The following SESN3 variants were observed in gnomAD, a reference collection of about 807,000 sequenced individuals.
SESN3 encodes the protein sestrin-3.
A neutral mutation model predicts 55.3 loss-of-function variants in SESN3; 21 were observed. The ratio of observed to expected loss-of-function variants is 0.38; its 90% CI spans 0.27 to 0.55. The LOEUF is 0.55. SESN3 is among the 20% of genes least tolerant of loss of function. The probability of loss-of-function intolerance (pLI) is 0.76; values close to 1 mark genes in which losing one functional copy is unlikely to be tolerated. For synonymous variants in SESN3, 181 were observed against 203.1 expected, an observed-to-expected ratio of 0.89 and a Z score of 0.93; for missense variants, 408 against 604.3, an observed-to-expected ratio of 0.68 and a Z score of 3.41.
chr11:95,205,602 A>C (rs1394037817), intron 1 of SESN3, among the ~76,000 whole-genome samples: 1 of 152,162 alleles, frequency 6.6e-6, no homozygotes, highest in Admixed American at 6.5e-5. Context: ...TCACACAATA[A>C]GGCAGCTGAA....
intron 1 of SESN3, among the ~76,000 whole-genome samples, chr11:95,222,803 G>A (rs1379866681): frequency 1.3e-5 from 2 of 152,152 alleles, no homozygotes; most frequent in African/African-American, 4.8e-5. Context: ...TCAGATTTTT[G>A]AAAGACAAAT....
At position 95,206,365 on chromosome 11, in the gene SESN3, TACACACACACACACACACAC is replaced by T. The variant is rs3032056; in HGVS notation, c.79-12863_79-12844del. The stretch of plus-strand genomic sequence containing the variant: ...TCCTGGATTTATGCCAGTCCTAAAA[TACACACACACACACACACAC>T]ACACACACACACACACACACACTCT... On this transcript the variant is annotated intron_variant, in intron 1 of 9. Coordinates refer to ENST00000536441, the MANE Select transcript of SESN3 (RefSeq NM_144665.4). 9.2e-4 allele frequency among the ~76,000 whole-genome samples: 129 copies of T among 140,468 alleles called. 1 individual carries two copies. The highest frequency in any genetic ancestry group is 3.9e-4 in the Non-Finnish European group (25 of 63,544). 92.2% of individuals were successfully genotyped at this position (140,468 alleles called of 152,430 possible).
At position 95,193,487 on chromosome 11, in the gene SESN3, T is replaced by G; in HGVS notation, c.114A>C (p.Arg38Ser). Residue 38 changes from arginine to serine, a missense_variant, in exon 2 of 10, where the codon AGA becomes AGC. Transcript: ENST00000536441. ...KRIRVSQPLT[R>S]GPSAFIPEKE... Reference sequence around the variant, plus strand: ...TCTCTGGAATAAAGGCACTTGGTCCTCTTGTCAAGGGTTGAGACACTCTGA... The same window carrying G: ...TCTCTGGAATAAAGGCACTTGGTCCGCTTGTCAAGGGTTGAGACACTCTGA... 6.3e-7 allele frequency: 1 copy of G among 1,597,596 alleles called. No individual in the cohort carries two copies. Among genetic ancestry groups the G allele is most frequent in the Non-Finnish European group, 8.6e-7 (1 of 1,166,088 alleles).
Position 95,230,485 on chromosome 11 carries a change from G to T in SESN3, c.78+298C>A, listed in dbSNP as rs992863693. ...CGCCCTCCGCCCAAGGAGCCGACCC[G>T]GGGTAGCAAGGTAGGGAAATGAGCC... On this transcript the variant is annotated intron_variant, in intron 1 of 9. Transcript: ENST00000536441. This position sits in a 1 kb window ranked among gnomAD's most constrained non-coding sequence, Gnocchi z 4.6. 5.8e-6 allele frequency: 2 copies of T among 346,982 alleles called. No individual in the cohort carries two copies. The highest frequency in any genetic ancestry group is 5.0e-5 in the Admixed American group (1 of 19,836). The allele number at this position is 346,982 out of a possible 1,614,324, so 21.5% of individuals were successfully genotyped here. A position where few individuals can be genotyped will look rare whatever the true frequency, so the allele number is the denominator to read the frequency against.
In SESN3 at chr11:95,230,879, G is replaced by C; in HGVS notation, c.-19C>G. 1 of 1,544,818 alleles carries C rather than the reference G, an allele frequency of 6.5e-7. No individual in the cohort carries two copies. Among genetic ancestry groups the C allele is most frequent in the Non-Finnish European group, 8.7e-7 (1 of 1,152,802 alleles). Reference sequence around the variant, plus strand: ...GGTTCATCGTGGCTGCGGGCGCCGAGGCGAGAGCGGGCGGAGGGCCGGGTC... The same window carrying C: ...GGTTCATCGTGGCTGCGGGCGCCGACGCGAGAGCGGGCGGAGGGCCGGGTC... On this transcript the variant is annotated 5_prime_UTR_variant, in exon 1 of 10. Transcript: ENST00000536441. The surrounding 1 kb of genome is among the most constrained non-coding windows in gnomAD (Gnocchi z 4.6).
Position 95,167,475 on chromosome 11 carries a change from C to CCCATATATATATATATATATATAT in SESN3, c.*5779_*5780insATATATATATATATATATATATGG, listed in dbSNP as rs563322416. The CCCATATATATATATATATATATAT allele has an allele frequency of 2.0e-5, 3 of 150,822 alleles. No homozygotes were observed. The highest frequency in any genetic ancestry group is 7.5e-5 in the African/African-American group (3 of 40,222). 9.3% of individuals were successfully genotyped at this position (150,822 alleles called of 1,614,324 possible). A position where few individuals can be genotyped will look rare whatever the true frequency, so the allele number is the denominator to read the frequency against. On this transcript the variant is annotated 3_prime_UTR_variant, in exon 10 of 10. Transcript: ENST00000536441. ...TCAGATATTCATTCTGTTTCCCCCCCATATATATAATTTTTCATTCTGTAC... is the reference window on the plus strand; with the variant it reads ...TCAGATATTCATTCTGTTTCCCCCCCCCATATATATATATATATATATATATATATATAATTTTTCATTCTGTAC...
rs141682790 is a variant in SESN3 at position 95,194,840 on chromosome 11, A to G, written c.79-1318T>C. Among the ~76,000 whole-genome samples the G allele has an allele frequency of 2.9e-3, 442 of 152,222 alleles. 4 individuals carry two copies. The highest frequency in any genetic ancestry group is 9.8e-3 in the African/African-American group (408 of 41,536). On this transcript the variant is annotated intron_variant, in intron 1 of 9. Transcript: ENST00000536441. ...AAAAAAAATTTCGAACACTCTCTGT[A>G]TAACTCAATGAACTACAAGGTTAAA...
intron 1 of SESN3, among the ~76,000 whole-genome samples, chr11:95,218,136 T>C (rs1860793402): frequency 6.6e-6 from 1 of 152,222 alleles, no homozygotes; most frequent in Admixed American, 6.5e-5. Flanking sequence ...GGAAGGTAGG[T>C]AGAGAATTAG....
intron 1 of SESN3, among the ~76,000 whole-genome samples, chr11:95,209,428 G>C (rs61893698): frequency 6.6e-6 from 1 of 151,476 alleles, no homozygotes; most frequent in Non-Finnish European, 1.5e-5. Context: ...GGAGAAAATA[G>C]GAATGCTTTT....
chr11:95,219,848 G>A (rs1022960638), intron 1 of SESN3, among the ~76,000 whole-genome samples: 2 of 151,820 alleles, frequency 1.3e-5, no homozygotes, highest in Non-Finnish European at 2.9e-5. Flanking sequence ...TTGAATTTCA[G>A]GATATATGTT....
chr11:95,181,269 TAGTC>T (rs1283690988), intron 6 of SESN3, among the ~76,000 whole-genome samples: 1 of 152,098 alleles, frequency 6.6e-6, no homozygotes, highest in African/African-American at 2.4e-5. Context: ...AAAAAGTAAG[TAGTC>T]AGCCAAATAA....
chr11:95,196,989 C>A (rs1333621683), intron 1 of SESN3, among the ~76,000 whole-genome samples: 1 of 152,072 alleles, frequency 6.6e-6, no homozygotes, highest in Non-Finnish European at 1.5e-5. Flanking sequence ...CCTATTTGGG[C>A]AAATTAGGAA....
At chr11:95,197,781 A>T (rs1052141852) in intron 1 of SESN3, among the ~76,000 whole-genome samples, 2 of 152,108 alleles carry the variant, frequency 1.3e-5, no homozygotes, top group African/African-American at 4.8e-5. Context: ...AAGACGATGG[A>T]GCAGATGAAG....
chr11:95,217,795 T>A (rs928757251), intron 1 of SESN3, among the ~76,000 whole-genome samples: 4 of 152,206 alleles, frequency 2.6e-5, no homozygotes, highest in African/African-American at 9.7e-5. Flanking sequence ...GAACGCATCA[T>A]ATACTGATGC....
At chr11:95,189,657 C>T (rs1010940186) in intron 4 of SESN3, 122 bp downstream of exon 4, 1 of 589,402 alleles carries the variant, frequency 1.7e-6, no homozygotes, top group Non-Finnish European at 2.7e-6. Flanking sequence ...AACTGACTTT[C>T]TAAACTCATC....
At chr11:95,216,113 A>G (rs916320472) in intron 1 of SESN3, among the ~76,000 whole-genome samples, 6 of 151,160 alleles carry the variant, frequency 4.0e-5, no homozygotes, top group South Asian at 2.1e-4. Context: ...AAAAAAAGAA[A>G]AAAAAAAAAA....
In SESN3 at chr11:95,231,158, G is replaced by GCCACCGCTGCCA. The variant is rs1416069756; in HGVS notation, c.-310_-299dup. 3.7e-6 allele frequency: 1 copy of GCCACCGCTGCCA among 270,316 alleles called. No homozygotes were observed. Among genetic ancestry groups the GCCACCGCTGCCA allele is most frequent in the Admixed American group, 7.2e-5 (1 of 13,950 alleles). The allele number at this position is 270,316 out of a possible 1,614,324, so 16.7% of individuals were successfully genotyped here. On this transcript the variant is annotated 5_prime_UTR_variant, in exon 1 of 10. Coordinates refer to ENST00000536441, the MANE Select transcript of SESN3 (RefSeq NM_144665.4). Reference sequence around the variant, plus strand: ...CCCCGCCAGGCTAGGACGAGCAGCCGCCACCGCTGCCACCGCCACCACCGC... The same window carrying GCCACCGCTGCCA: ...CCCCGCCAGGCTAGGACGAGCAGCCGCCACCGCTGCCACCACCGCTGCCACCGCCACCACCGC...
At chr11:95,219,723 C>T (rs1429248423) in intron 1 of SESN3, among the ~76,000 whole-genome samples, 1 of 151,930 alleles carries the variant, frequency 6.6e-6, no homozygotes, top group Non-Finnish European at 1.5e-5. Context: ...GCACAACCGA[C>T]AAGCACATCC....
chr11:95,184,106 A>T (rs1860115531), intron 6 of SESN3: 1 of 375,670 alleles, frequency 2.7e-6, no homozygotes, highest in Non-Finnish European at 4.7e-6. Flanking sequence ...TATCATTTTT[A>T]AAAAATCACA....
Sources: gnomAD v4.1 joint callset for allele counts (sites outside exome capture counted in the v4.1 genomes callset) on GRCh38, gnomAD v4.1.1 for gene constraint, Gnocchi (gnomAD v3.1) non-coding constraint, MANE v1.5 for transcripts, NCBI Gene and HGNC (gene_info 2026-07-23, HGNC 2026-07-21) for gene names.